Variants in ERC2 observed in about 807,000 individuals in gnomAD.
ERC2 encodes ELKS/RAB6-interacting/CAST family member 2.
ERC2 carries 42 observed loss-of-function variants against 114.8 expected under a neutral mutation model. That is an observed-to-expected ratio of 0.37 (90% CI 0.29 to 0.47). The LOEUF (loss-of-function observed/expected upper bound fraction) is 0.47. Ranked by LOEUF, ERC2 falls within the 20% of genes least tolerant of loss-of-function variation. ERC2 has a pLI of 0.99. For missense variants in ERC2, 939 were observed against 1,150.7 expected (o/e 0.82, Z 2.66); for synonymous variants, 454 against 425.5 (o/e 1.07, Z -0.82).
At chr3:55,940,393 TCA>T (rs766742718) in intron 13 of ERC2, among the ~76,000 whole-genome samples, 10 of 152,036 alleles carry the variant, frequency 6.6e-5, no homozygotes, top group Admixed American at 1.3e-4. Context: ...ACTCAGAAGC[TCA>T]GGGCCCCACG....
intron 12 of ERC2, chr3:55,955,195 G>A (rs1222327023): frequency 1.9e-6 from 1 of 513,322 alleles, no homozygotes; most frequent in African/African-American, 1.9e-5. Flanking sequence ...CTGAAGAAGG[G>A]AATAGTTTTG....
At chr3:56,431,820 G>T (rs547362386) in intron 2 of ERC2, among the ~76,000 whole-genome samples, 1 of 152,100 alleles carries the variant, frequency 6.6e-6, no homozygotes, top group South Asian at 2.1e-4. Flanking sequence ...CATTTTACTT[G>T]TATTAAATAT....
intron 3 of ERC2, among the ~76,000 whole-genome samples, chr3:56,204,712 A>G (rs1049906713): frequency 7.2e-5 from 11 of 151,880 alleles, no homozygotes; most frequent in Admixed American, 2.6e-4. Context: ...CACACTGGCC[A>G]GGATGGTCTT....
intron 14 of ERC2, among the ~76,000 whole-genome samples, chr3:55,877,138 G>A (rs1023100672): frequency 8.5e-5 from 13 of 152,154 alleles, no homozygotes; most frequent in Admixed American, 8.5e-4. Context: ...GGTATTTTGG[G>A]CCAGAAAATT....
At chr3:55,673,804 GT>G (rs10575865) in intron 17 of ERC2, among the ~76,000 whole-genome samples, 80,329 of 113,676 alleles carry the variant, frequency 0.71, 30,659 homozygotes, top group East Asian at 0.95. Flanking sequence ...TAATTACCAA[GT>G]TTTTTTTTTT....
At chr3:56,233,391 C>T (rs907726174) in intron 3 of ERC2, among the ~76,000 whole-genome samples, 10 of 152,276 alleles carry the variant, frequency 6.6e-5, no homozygotes, top group African/African-American at 1.7e-4. Flanking sequence ...GAGGCCAAGG[C>T]GGGCAGATCA....
chr3:55,870,223 C>G (rs901208753), intron 14 of ERC2, among the ~76,000 whole-genome samples: 1 of 151,998 alleles, frequency 6.6e-6, no homozygotes, highest in Non-Finnish European at 1.5e-5. Context: ...CACAGACGCC[C>G]GTCACCACGC....
chr3:55,794,051 T>G (rs1359848983), intron 14 of ERC2, among the ~76,000 whole-genome samples: 1 of 152,188 alleles, frequency 6.6e-6, no homozygotes, highest in Non-Finnish European at 1.5e-5. Context: ...AAACTAGTAC[T>G]CTCACAAAAT....
intron 17 of ERC2, among the ~76,000 whole-genome samples, chr3:55,561,382 G>C (rs776483874): frequency 6.6e-6 from 1 of 152,140 alleles, no homozygotes; most frequent in Non-Finnish European, 1.5e-5. Flanking sequence ...GGCTGTGGGT[G>C]CATTTCTGTG....
In ERC2 at chr3:55,888,541, T is replaced by C. The variant is rs1434543559; in HGVS notation, c.2412A>G (p.Glu804=). The part of the protein sequence containing the change: ...ADNSQHLQIE[E]LMNALEKTRQ... ...TGGTCTTCTCCAGTGCATTCATCAG[T>C]TCCTCTATCTGAAAGGCACATGGAG... The change falls in exon 14 of 18, where the codon GAA becomes GAG. Residue 804 remains glutamate, a synonymous_variant. Coordinates refer to ENST00000288221, the MANE Select transcript of ERC2 (RefSeq NM_015576.3). 1.2e-6 allele frequency: 2 copies of C among 1,613,686 alleles called. No homozygotes were observed. The highest frequency in any genetic ancestry group is 1.7e-6 in the Non-Finnish European group (2 of 1,179,770).
intron 17 of ERC2, among the ~76,000 whole-genome samples, chr3:55,551,908 C>T (rs73077465): frequency 0.058 from 8,893 of 152,282 alleles, 338 homozygotes; most frequent in Middle Eastern, 0.075. Context: ...CAGATTCAGC[C>T]ATTATCAATG....
chr3:56,230,816 G>C (rs2050571442), intron 3 of ERC2, among the ~76,000 whole-genome samples: 1 of 152,108 alleles, frequency 6.6e-6, no homozygotes, highest in Non-Finnish European at 1.5e-5. Flanking sequence ...AGTATAAATG[G>C]CATTCACATG....
At chr3:56,432,710 C>T (rs149291297) in intron 2 of ERC2, among the ~76,000 whole-genome samples, 1,828 of 152,310 alleles carry the variant, frequency 0.012, 21 homozygotes, top group Non-Finnish European at 0.017. Flanking sequence ...TTAGGAGGGT[C>T]AGCAGGTGAC....
chr3:56,448,687 C>T (rs186666166), intron 1 of ERC2, among the ~76,000 whole-genome samples: 6 of 152,324 alleles, frequency 3.9e-5, no homozygotes, highest in Admixed American at 1.3e-4. Flanking sequence ...TCTGTCATAA[C>T]TACTCAACTC....
chr3:56,335,190 G>A (rs2057794636), intron 2 of ERC2, among the ~76,000 whole-genome samples: 2 of 152,166 alleles, frequency 1.3e-5, no homozygotes, highest in African/African-American at 4.8e-5. Flanking sequence ...TAGCATGTCA[G>A]GTTAAGATGT....
At chr3:55,897,191 C>T (rs768960728) in intron 13 of ERC2, among the ~76,000 whole-genome samples, 4 of 152,158 alleles carry the variant, frequency 2.6e-5, no homozygotes, top group Non-Finnish European at 5.9e-5. Flanking sequence ...TATTTGAAAA[C>T]CAGCCTCTCT....
intron 14 of ERC2, among the ~76,000 whole-genome samples, chr3:55,829,269 A>AT (rs1465033373): frequency 3.3e-5 from 5 of 152,250 alleles, no homozygotes; most frequent in African/African-American, 1.2e-4. Context: ...AGCAACTATT[A>AT]TAACTATGCT....
intron 13 of ERC2, among the ~76,000 whole-genome samples, chr3:55,910,930 T>C (rs1282459050): frequency 6.6e-6 from 1 of 152,210 alleles, no homozygotes; most frequent in African/African-American, 2.4e-5. Context: ...CTTTCACTAA[T>C]TCAACACACT....
intron 3 of ERC2, among the ~76,000 whole-genome samples, chr3:56,174,713 C>T (rs1022232334): frequency 1.3e-5 from 2 of 152,238 alleles, no homozygotes; most frequent in African/African-American, 4.8e-5. Flanking sequence ...GGTGTGGTGG[C>T]TCACGCCTGT....
Sources: gnomAD v4.1 joint callset for allele counts (sites outside exome capture counted in the v4.1 genomes callset) on GRCh38, gnomAD v4.1.1 for gene constraint, MANE v1.5 for transcripts, NCBI Gene and HGNC (gene_info 2026-07-23, HGNC 2026-07-21) for gene names.